Variants in RNF123 observed in about 807,000 individuals in gnomAD.
RNF123 encodes the protein E3 ubiquitin-protein ligase RNF123.
A neutral mutation model predicts 168.5 loss-of-function variants in RNF123; 86 were observed. The ratio of observed to expected loss-of-function variants is 0.51; its 90% CI spans 0.43 to 0.61. RNF123 has a LOEUF of 0.61. Among genes scored for constraint, RNF123 ranks in the 20% least tolerant of loss-of-function variants. The pLI is 0.00. For synonymous variants in RNF123, 666 were observed against 689.1 expected, an observed-to-expected ratio of 0.97 and a Z score of 0.52; for missense variants, 1,419 against 1,729.7, an observed-to-expected ratio of 0.82 and a Z score of 3.19.
At chr3:49,720,698 C>T (rs1475452426) in intron 36 of RNF123, 45 bp downstream of exon 36, 11 of 1,597,192 alleles carry the variant, frequency 6.9e-6, no homozygotes, top group East Asian at 2.2e-5. Context: ...GGGGCTGGGT[C>T]GGGTCAGGAG....
intron 19 of RNF123, 85 bp from the exon 20 acceptor site, chr3:49,702,548 C>T: frequency 1.2e-6 from 2 of 1,610,736 alleles, no homozygotes; most frequent in Non-Finnish European, 1.7e-6. Context: ...CTGCTTAACC[C>T]TCGACCCTCA....
rs1402979711 is a variant in RNF123 at position 49,715,652 on chromosome 3, C to T, written c.3088C>T (p.Leu1030Phe). 9 of 1,614,126 alleles carry T rather than the reference C, an allele frequency of 5.6e-6. No individual in the cohort carries two copies. In the South Asian group the frequency reaches 7.7e-5, roughly 14 times the overall value. ...QQGPDVAPSF[L>F]NSVLNQLNWA... ...GGGTCCTGATGTGGCACCCAGCTTC[C>T]TCAACAGCGTCCTCAATCAGCTCAA... The change falls in exon 32 of 39, where the codon CTC becomes TTC. Residue 1030 changes from leucine to phenylalanine, a missense_variant. By Grantham distance (22) the Leu-to-Phe change is conservative. Around this residue, in one of 5 missense-constraint regions of RNF123, gnomAD observed 538 missense variants for 708.8 expected, o/e 0.76. Coordinates refer to ENST00000327697, the MANE Select transcript of RNF123 (RefSeq NM_022064.5).
intron 2 of RNF123, 60 bp from the exon 3 acceptor site, chr3:49,691,365 C>G: frequency 2.5e-6 from 4 of 1,600,356 alleles, no homozygotes; most frequent in Non-Finnish European, 3.4e-6. Context: ...CTGGGGCCAG[C>G]AGGGGCCAGG....
In RNF123 at chr3:49,714,136, A is replaced by C. The variant is rs761802127; in HGVS notation, c.2972A>C (p.Lys991Thr). The change falls in exon 31 of 39, where the codon AAA becomes ACA. Residue 991 changes from lysine to threonine, a missense_variant. Transcript: ENST00000327697. ...TATACACGGCTGCCACATCTGCTGAAAACCAAACTTGAGGACGCCAATTTG... is the reference window on the plus strand; with the variant it reads ...TATACACGGCTGCCACATCTGCTGACAACCAAACTTGAGGACGCCAATTTG... ...YRYTRLPHLL[K>T]TKLEDANLPS... 6.2e-7 allele frequency: 1 copy of C among 1,614,132 alleles called. No individual in the cohort carries two copies. Among genetic ancestry groups the C allele is most frequent in the Admixed American group, 1.7e-5 (1 of 60,032 alleles).
chr3:49,696,707 C>T (rs1279208880), intron 3 of RNF123, among the ~76,000 whole-genome samples: 2 of 146,870 alleles, frequency 1.4e-5, no homozygotes, highest in Non-Finnish European at 3.0e-5. Context: ...TACAATGACA[C>T]GATCTTGGCT....
chr3:49,690,069 A>C (rs903643728), intron 1 of RNF123, among the ~76,000 whole-genome samples: 3 of 152,022 alleles, frequency 2.0e-5, no homozygotes, highest in Non-Finnish European at 4.4e-5. Flanking sequence ...GGTCGGGAAA[A>C]TCACCTTCCC....
intron 21 of RNF123, 72 bp downstream of exon 21, chr3:49,703,600 G>A (rs1237605244): frequency 1.6e-6 from 2 of 1,280,214 alleles, no homozygotes; most frequent in East Asian, 2.5e-5. Flanking sequence ...CTGCTCTGCT[G>A]TGGATGCTGA....
chr3:49,697,330 C>T, intron 4 of RNF123, 33 bp from the exon 5 acceptor site: 1 of 1,601,098 alleles, frequency 6.2e-7, no homozygotes, highest in South Asian at 1.1e-5. Flanking sequence ...TCAAATGCTC[C>T]ACCCTGCCTG....
chr3:49,700,467 C>T lies in RNF123; in HGVS notation c.1111-5C>T, dbSNP rs1426509406. 1 of 1,613,878 alleles carries T rather than the reference C, an allele frequency of 6.2e-7. No individual in the cohort carries two copies. The highest frequency in any genetic ancestry group is 1.1e-5 in the South Asian group (1 of 91,080). On this transcript the variant is annotated splice_region_variant and splice_polypyrimidine_tract_variant and intron_variant, in intron 13 of 38. Transcript: ENST00000327697. The stretch of plus-strand genomic sequence containing the variant: ...TCATGGCTGCCTTGGCATCTCTTCC[C>T]CCAGGACTACGAGGTACAAGATTGC...
At chr3:49,700,056 A>G (rs2054347274) in intron 12 of RNF123, 171 bp from the exon 13 acceptor site, 2 of 899,620 alleles carry the variant, frequency 2.2e-6, no homozygotes, top group Non-Finnish European at 3.3e-6. Flanking sequence ...CCGTGGGGCA[A>G]TGGCCTTCTT....
Position 49,691,433 on chromosome 3 carries a change from C to T in RNF123, c.91C>T (p.Gln31Ter). 6.2e-7 allele frequency: 1 copy of T among 1,614,018 alleles called. No homozygotes were observed. The highest frequency in any genetic ancestry group is 2.2e-5 in the East Asian group (1 of 44,886). The change falls in exon 3 of 39, where the codon CAG (glutamine) becomes TAG (stop). Residue 31 changes from glutamine to a stop codon, truncating the protein, a stop_gained. Coordinates refer to ENST00000327697, the MANE Select transcript of RNF123 (RefSeq NM_022064.5). LOFTEE classifies it high-confidence loss of function. ...TCTGACTTGTGGCTCAGGCATTGTG[C>T]AGGAGAAGCTGCTGAATGACTACCT... ...AEKSRVTGIV[Q>*]EKLLNDYLNR...
At chr3:49,718,079 C>A (rs2080285105) in intron 35 of RNF123, 1 of 1,613,596 alleles carries the variant, frequency 6.2e-7, no homozygotes, top group Non-Finnish European at 8.5e-7. Flanking sequence ...CCATTGAGGC[C>A]CCTCCGGCCT....
intron 27 of RNF123, chr3:49,713,262 G>A: frequency 1.7e-6 from 1 of 594,058 alleles, no homozygotes; most frequent in Non-Finnish European, 3.0e-6. Context: ...AGGTGTGTGT[G>A]CTGAGATGGG....
Position 49,716,442 on chromosome 3 carries a change from C to A in RNF123, c.3465C>A (p.Ile1155=). The A allele has an allele frequency of 1.2e-6, 2 of 1,614,094 alleles. No individual in the cohort carries two copies. The highest frequency in any genetic ancestry group is 1.7e-6 in the Non-Finnish European group (2 of 1,179,994). Reference sequence around the variant, plus strand: ...CCATTCTGGTGGCAGTGACGGGCATCCTGGTGCAGCTCCTGGTGCGTGGCC... The same window carrying A: ...CCATTCTGGTGGCAGTGACGGGCATACTGGTGCAGCTCCTGGTGCGTGGCC... ...HYPILVAVTG[I]LVQLLVRGPA... is the part of the protein sequence containing the mutation. The change falls in exon 35 of 39, where the codon ATC becomes ATA. Residue 1155 remains isoleucine (I), a synonymous_variant. Transcript: ENST00000327697.
At chr3:49,691,913 A>G (rs2054173909) in intron 3 of RNF123, among the ~76,000 whole-genome samples, 1 of 152,242 alleles carries the variant, frequency 6.6e-6, no homozygotes, top group African/African-American at 2.4e-5. Flanking sequence ...AATACTTTTA[A>G]GTGTAGTCAG....
chr3:49,718,777 A>G (rs1210276310), intron 35 of RNF123: 2 of 1,613,280 alleles, frequency 1.2e-6, no homozygotes, highest in East Asian at 2.2e-5. Context: ...GCGCTGTAGC[A>G]GGTGGTAGAG....
chr3:49,721,485 CT>C lies in RNF123; in HGVS notation c.*183del. 2.2e-6 allele frequency: 2 copies of C among 928,018 alleles called. No individual in the cohort carries two copies. The highest frequency in any genetic ancestry group is 2.6e-5 in the South Asian group (2 of 76,178). 57.5% of individuals were successfully genotyped at this position (928,018 alleles called of 1,614,324 possible). A position where few individuals can be genotyped will look rare whatever the true frequency, so the allele number is the denominator to read the frequency against. On this transcript the variant is annotated 3_prime_UTR_variant, in exon 39 of 39. Coordinates refer to ENST00000327697, the MANE Select transcript of RNF123 (RefSeq NM_022064.5). ...TGGCCCTAATTGTGCCTGAGCTTGA[CT>C]TTCAGTCAGGGCCACAGTGAGCATT...
chr3:49,717,184 A>C (rs1411216466), intron 35 of RNF123: 1 of 153,208 alleles, frequency 6.5e-6, no homozygotes, highest in African/African-American at 2.4e-5. Context: ...GTGAGCCCAC[A>C]GAATGGGCTC....
chr3:49,715,479 C>A, intron 31 of RNF123, 96 bp from the exon 32 acceptor site: 1 of 1,475,280 alleles, frequency 6.8e-7, no homozygotes, highest in Non-Finnish European at 9.3e-7. Flanking sequence ...ATCTTTCTGT[C>A]CTTATACCAA....
Sources: gnomAD v4.1 joint callset for allele counts (sites outside exome capture counted in the v4.1 genomes callset) on GRCh38, gnomAD v4.1.1 for gene constraint, gnomAD v4.1.1 regional missense constraint, MANE v1.5 for transcripts, NCBI Gene and HGNC (gene_info 2026-07-23, HGNC 2026-07-21) for gene names.